CTNNA3: variants seen among roughly 807,000 people sequenced by gnomAD.
The protein encoded by CTNNA3 is catenin alpha 3, also known as catenin alpha-3.
In CTNNA3, 76 loss-of-function variants were observed where a neutral mutation model predicts 95.7. The ratio of observed to expected loss-of-function variants is 0.79; its 90% CI spans 0.66 to 0.96. CTNNA3 has a LOEUF of 0.96. CTNNA3 is among the 40% of genes least tolerant of loss of function. The pLI is 0.00. For missense variants in CTNNA3, 1,191 were observed against 1,089.8 expected, an observed-to-expected ratio of 1.09 and a Z score of -1.31; for synonymous variants, 431 against 374.4, an observed-to-expected ratio of 1.15 and a Z score of -1.74.
intron 7 of CTNNA3, among the ~76,000 whole-genome samples, chr10:67,121,917 T>C (rs1859482833): frequency 1.5e-5 from 2 of 135,634 alleles, no homozygotes; most frequent in African/African-American, 2.8e-5. Flanking sequence ...GTGAAATCTC[T>C]AATTTTCAAA....
chr10:66,136,794 A>G (rs927062827), intron 13 of CTNNA3, among the ~76,000 whole-genome samples: 8 of 152,098 alleles, frequency 5.3e-5, no homozygotes, highest in African/African-American at 1.9e-4. Flanking sequence ...TATCTATTAC[A>G]TTTGCTTAAT....
At chr10:66,415,247 G>A (rs1048237683) in intron 11 of CTNNA3, among the ~76,000 whole-genome samples, 3 of 152,058 alleles carry the variant, frequency 2.0e-5, no homozygotes, top group African/African-American at 4.8e-5. Context: ...CAGTCCAGGG[G>A]CCAGGGAATC....
rs113671945 is a variant in CTNNA3 at position 66,900,456 on chromosome 10, T to G, written c.1048-124932A>C. On this transcript the variant is annotated intron_variant, in intron 7 of 17. Coordinates refer to ENST00000433211, the MANE Select transcript of CTNNA3 (RefSeq NM_013266.4). ...AGCAGAAAATTTCAAAAAAACAGAG[T>G]GCCTCTTCTCCCCCAGAGGATCACA... Among the ~76,000 whole-genome samples, 541 of 151,798 alleles carry G rather than the reference T, an allele frequency of 3.6e-3. 2 individuals carry two copies. Among genetic ancestry groups the G allele is most frequent in the African/African-American group, 0.012 (513 of 41,332 alleles).
At chr10:66,684,919 T>C (rs940921018) in intron 9 of CTNNA3, among the ~76,000 whole-genome samples, 1 of 151,794 alleles carries the variant, frequency 6.6e-6, no homozygotes, top group African/African-American at 2.4e-5. Context: ...AAAAAAATTA[T>C]CTTATTGTCT....
At chr10:66,768,576 G>A (rs1839957970) in intron 8 of CTNNA3, among the ~76,000 whole-genome samples, 2 of 152,004 alleles carry the variant, frequency 1.3e-5, no homozygotes, top group Admixed American at 1.3e-4. Context: ...TTCCCATCAT[G>A]GACTTGTTAA....
chr10:66,916,732 A>G (rs2132583321), intron 7 of CTNNA3, among the ~76,000 whole-genome samples: 1 of 152,340 alleles, frequency 6.6e-6, no homozygotes, highest in South Asian at 2.1e-4. Context: ...AGGAAGAGGT[A>G]AGGAGGTGCT....
chr10:66,911,650 T>C (rs146006780), intron 7 of CTNNA3, among the ~76,000 whole-genome samples: 37 of 152,320 alleles, frequency 2.4e-4, no homozygotes, highest in African/African-American at 7.9e-4. Context: ...ATTGAACCAG[T>C]TACTTCATCT....
At chr10:66,574,403 T>C (rs1038603657) in intron 10 of CTNNA3, among the ~76,000 whole-genome samples, 2 of 151,380 alleles carry the variant, frequency 1.3e-5, no homozygotes, top group African/African-American at 4.9e-5. Flanking sequence ...AAAAGCTCAC[T>C]GAAATATTAG....
intron 11 of CTNNA3, among the ~76,000 whole-genome samples, chr10:66,385,924 T>A (rs1214948077): frequency 6.6e-6 from 1 of 152,172 alleles, no homozygotes; most frequent in African/African-American, 2.4e-5. Flanking sequence ...ATAAACTAGG[T>A]ATTGATGGGA....
intron 1 of CTNNA3, chr10:67,648,716 C>T: frequency 7.8e-7 from 1 of 1,288,262 alleles, no homozygotes; most frequent in Non-Finnish European, 1.0e-6. Flanking sequence ...AAAGTCAAAG[C>T]CCTACAATTT....
In CTNNA3 at chr10:66,280,624, G is replaced by C; in HGVS notation, c.1733-3C>G. On this transcript the variant is annotated splice_region_variant and splice_polypyrimidine_tract_variant and intron_variant, in intron 12 of 17. Coordinates refer to ENST00000433211, the MANE Select transcript of CTNNA3 (RefSeq NM_013266.4). ...TTGTGTTACAAATTCAGGAATTACT[G>C]TTAAAATAAAGAATAAGGAGAAGAT... The C allele has an allele frequency of 6.2e-7, 1 of 1,600,040 alleles. No homozygotes were observed.
chr10:65,962,339 T>C (rs2077862103), intron 17 of CTNNA3, among the ~76,000 whole-genome samples: 1 of 152,084 alleles, frequency 6.6e-6, no homozygotes, highest in African/African-American at 2.4e-5. Context: ...TCCTTCTATA[T>C]ACACTGTTTA....
rs78619165 is a variant in CTNNA3, at chr10:66,642,129, G to C, written c.1282-20345C>G. Reference sequence around the variant, plus strand: ...TAGCTTACTTCCAGATGTTCTTTGGGTCAGGCTCATCTATCCCTAACTTCT... The same window carrying C: ...TAGCTTACTTCCAGATGTTCTTTGGCTCAGGCTCATCTATCCCTAACTTCT... On this transcript the variant is annotated intron_variant, in intron 9 of 17. Coordinates refer to ENST00000433211, the MANE Select transcript of CTNNA3 (RefSeq NM_013266.4). 7.3e-3 allele frequency among the ~76,000 whole-genome samples: 1,103 copies of C among 152,080 alleles called. 7 individuals are homozygous for C. Among genetic ancestry groups the C allele is most frequent in the Middle Eastern group, 0.037 (11 of 294 alleles).
intron 5 of CTNNA3, among the ~76,000 whole-genome samples, chr10:67,389,465 G>T (rs1376077703): frequency 6.6e-6 from 1 of 151,986 alleles, no homozygotes; most frequent in Non-Finnish European, 1.5e-5. Context: ...AAAAATGGGA[G>T]ACTTTAACAC....
At chr10:66,860,391 G>A (rs1268783089) in intron 7 of CTNNA3, among the ~76,000 whole-genome samples, 3 of 152,072 alleles carry the variant, frequency 2.0e-5, no homozygotes, top group African/African-American at 7.2e-5. Flanking sequence ...TTTCCAACAT[G>A]GAGGCCTGGA....
chr10:66,886,779 T>A (rs945101349), intron 7 of CTNNA3, among the ~76,000 whole-genome samples: 1 of 152,172 alleles, frequency 6.6e-6, no homozygotes, highest in African/African-American at 2.4e-5. Flanking sequence ...GCCCATTTCA[T>A]TGTTATTACG....
intron 7 of CTNNA3, among the ~76,000 whole-genome samples, chr10:67,085,294 CTTGT>C (rs1329467827): frequency 1.3e-5 from 2 of 151,458 alleles, no homozygotes; most frequent in Non-Finnish European, 1.5e-5. Context: ...GACTAGTCTT[CTTGT>C]TTATTATTTA....
chr10:66,018,827 C>G (rs1278502172), intron 15 of CTNNA3, among the ~76,000 whole-genome samples: 1 of 151,848 alleles, frequency 6.6e-6, no homozygotes, highest in African/African-American at 2.4e-5. Flanking sequence ...AATGATTCCT[C>G]AGAATTACAT....
At chr10:67,727,774 TATA>T (rs1051196879) in intron 1 of CTNNA3, among the ~76,000 whole-genome samples, 5 of 124,316 alleles carry the variant, frequency 4.0e-5, no homozygotes, top group Non-Finnish European at 7.9e-5. Context: ...ATATATAATA[TATA>T]ATATGTAAAA....
Sources: gnomAD v4.1 joint callset for allele counts (sites outside exome capture counted in the v4.1 genomes callset) on GRCh38, gnomAD v4.1.1 for gene constraint, MANE v1.5 for transcripts, NCBI Gene and HGNC (gene_info 2026-07-23, HGNC 2026-07-21) for gene names.